CDH12: variants seen among roughly 807,000 people sequenced by gnomAD.
CDH12 encodes the protein cadherin-12.
Under a neutral mutation model 74.1 loss-of-function variants are expected in CDH12, and 41 were observed. The ratio of observed to expected loss-of-function variants is 0.55; its 90% CI spans 0.43 to 0.72. The LOEUF is 0.72. CDH12 is among the 30% of genes least tolerant of loss of function. The probability of loss-of-function intolerance (pLI) is 0.00; values close to 1 mark genes in which losing one functional copy is unlikely to be tolerated. For missense variants in CDH12, 945 were observed against 977.2 expected (o/e 0.97, Z 0.44); for synonymous variants, 399 against 355.0 (o/e 1.12, Z -1.39).
At chr5:22,005,972 T>A (rs1322595752) in intron 5 of CDH12, among the ~76,000 whole-genome samples, 1 of 152,174 alleles carries the variant, frequency 6.6e-6, no homozygotes, top group Non-Finnish European at 1.5e-5. Flanking sequence ...CTCAATCCTA[T>A]GGAAAAGCTT....
chr5:22,696,063 C>T (rs759608426), intron 1 of CDH12, among the ~76,000 whole-genome samples: 1 of 152,054 alleles, frequency 6.6e-6, no homozygotes, highest in Non-Finnish European at 1.5e-5. Context: ...GTTTTAGTGT[C>T]CATCCTTAAA....
intron 3 of CDH12, among the ~76,000 whole-genome samples, chr5:22,255,221 T>C (rs1753271076): frequency 6.6e-6 from 1 of 151,894 alleles, no homozygotes; most frequent in Non-Finnish European, 1.5e-5. Flanking sequence ...AGTGACCTTT[T>C]TAATTGTGAA....
chr5:22,187,142 T>A (rs776572035), intron 4 of CDH12, among the ~76,000 whole-genome samples: 19 of 152,220 alleles, frequency 1.2e-4, no homozygotes, highest in Admixed American at 3.9e-4. Flanking sequence ...CTGATTGCTC[T>A]TATGCAAACA....
At chr5:22,397,417 T>C (rs1231751061) in intron 3 of CDH12, among the ~76,000 whole-genome samples, 1 of 152,178 alleles carries the variant, frequency 6.6e-6, no homozygotes, top group East Asian at 1.9e-4. Context: ...TTGGAGGTCA[T>C]TGCAATTTAC....
chr5:22,808,824 TTC>T (rs1748962712), intron 1 of CDH12, among the ~76,000 whole-genome samples: 4 of 148,658 alleles, frequency 2.7e-5, no homozygotes, highest in Admixed American at 1.3e-4. Flanking sequence ...GGCCAGGATG[TTC>T]TCAATCTCTT....
At chr5:21,957,825 A>C (rs538957363) in intron 6 of CDH12, among the ~76,000 whole-genome samples, 40 of 152,250 alleles carry the variant, frequency 2.6e-4, no homozygotes, top group Admixed American at 4.6e-4. Flanking sequence ...GACATTTGTC[A>C]GACGCATAGT....
At chr5:22,600,679 T>C (rs1022207868) in intron 1 of CDH12, among the ~76,000 whole-genome samples, 5 of 152,098 alleles carry the variant, frequency 3.3e-5, no homozygotes, top group African/African-American at 7.2e-5. Flanking sequence ...TTTTTAATAA[T>C]GCCAGATTTT....
intron 6 of CDH12, among the ~76,000 whole-genome samples, chr5:21,950,752 TTTATTTTATTATTATTATTA>T (rs1029483343): frequency 5.4e-5 from 7 of 129,876 alleles, no homozygotes; most frequent in African/African-American, 2.0e-4. Context: ...CTACATAAAT[TTTATTTTATTATTATTATTA>T]TTATTATTAT....
At chr5:22,012,124 A>G (rs6859598) in intron 5 of CDH12, among the ~76,000 whole-genome samples, 47,706 of 150,850 alleles carry the variant, frequency 0.32, 9,010 homozygotes, top group African/African-American at 0.55. Flanking sequence ...TTAACGATTG[A>G]TTTAAACAAC....
At chr5:22,210,874 A>G (rs1751492410) in intron 4 of CDH12, among the ~76,000 whole-genome samples, 1 of 152,032 alleles carries the variant, frequency 6.6e-6, no homozygotes, top group Non-Finnish European at 1.5e-5. Flanking sequence ...AGGGACAGCC[A>G]CTGTAGTCAA....
intron 5 of CDH12, among the ~76,000 whole-genome samples, chr5:22,011,396 T>C (rs13358166): frequency 0.35 from 53,622 of 152,100 alleles, 12,349 homozygotes; most frequent in African/African-American, 0.66. Context: ...CATTATTTTC[T>C]GTACTCTTAG....
chr5:22,645,885 T>C (rs1042241511), intron 1 of CDH12, among the ~76,000 whole-genome samples: 4 of 151,962 alleles, frequency 2.6e-5, no homozygotes, highest in African/African-American at 9.7e-5. Flanking sequence ...TGTATGTACA[T>C]TTTTAGACAT....
At chr5:22,540,241 A>G (rs1239181990) in intron 1 of CDH12, among the ~76,000 whole-genome samples, 2 of 152,094 alleles carry the variant, frequency 1.3e-5, no homozygotes, top group African/African-American at 4.8e-5. Flanking sequence ...GCATATTTAT[A>G]TATATAAAGA....
chr5:22,386,666 T>G (rs559378349), intron 3 of CDH12, among the ~76,000 whole-genome samples: 1 of 152,198 alleles, frequency 6.6e-6, no homozygotes, highest in Non-Finnish European at 1.5e-5. Context: ...TTAAATGTGA[T>G]AATTCATATA....
At chr5:22,665,442 A>G (rs1740565661) in intron 1 of CDH12, among the ~76,000 whole-genome samples, 1 of 152,322 alleles carries the variant, frequency 6.6e-6, no homozygotes, top group Non-Finnish European at 1.5e-5. Flanking sequence ...TCACAGAAGG[A>G]AAACAAAGTA....
chr5:22,730,807 T>C (rs1288544897), intron 1 of CDH12, among the ~76,000 whole-genome samples: 1 of 151,826 alleles, frequency 6.6e-6, no homozygotes, highest in Non-Finnish European at 1.5e-5. Flanking sequence ...CTATTATACA[T>C]AATTTATTCC....
chr5:22,550,434 A>T (rs1738516468), intron 1 of CDH12, among the ~76,000 whole-genome samples: 1 of 152,142 alleles, frequency 6.6e-6, no homozygotes, highest in African/African-American at 2.4e-5. Flanking sequence ...TTAACTTGAG[A>T]TTTCCCATCT....
At chr5:22,372,701 G>T (rs1301665596) in intron 3 of CDH12, among the ~76,000 whole-genome samples, 1 of 152,128 alleles carries the variant, frequency 6.6e-6, no homozygotes, top group Non-Finnish European at 1.5e-5. Flanking sequence ...CTGTAAGCCC[G>T]TAGCTGCCTT....
rs1006403091 is a variant in CDH12, at chr5:22,656,168, G to A, written c.-522-150804C>T. ...TTTATGGATTTTTTGTGATAAGGTG[G>A]TTATATTTCAAGAGTTTGTTACATT... is the stretch of plus-strand genomic sequence containing the variant. On this transcript the variant is annotated intron_variant, in intron 1 of 14. Transcript: ENST00000382254. Among the ~76,000 whole-genome samples, 3 of 152,174 alleles carry A rather than the reference G, an allele frequency of 2.0e-5. No individual in the cohort carries two copies. In the East Asian group the frequency reaches 5.8e-4, roughly 29 times the overall value.
Sources: allele counts gnomAD v4.1 joint callset (sites outside exome capture counted in the v4.1 genomes callset), GRCh38; gene constraint gnomAD v4.1.1; transcripts MANE v1.5; gene names NCBI Gene and HGNC (gene_info 2026-07-23, HGNC 2026-07-21).